Variants in ADGRF5 observed in about 807,000 individuals in gnomAD.
ADGRF5 encodes the protein G-protein coupled receptor 116.
In ADGRF5, 75 loss-of-function variants were observed where a neutral mutation model predicts 132.3. The ratio of observed to expected loss-of-function variants is 0.57; its 90% confidence interval spans 0.47 to 0.69. The LOEUF (loss-of-function observed/expected upper bound fraction) is 0.69, where lower values mean the gene tolerates loss of function less well. Ranked by LOEUF, ADGRF5 falls within the 30% of genes least tolerant of loss-of-function variation. ADGRF5 has a pLI of 0.00. For missense variants in ADGRF5, 1,516 were observed against 1,630.6 expected (o/e 0.93, Z 1.21); for synonymous variants, 629 against 597.6 (o/e 1.05, Z -0.77).
intron 4 of ADGRF5, 152 bp downstream of exon 4, chr6:46,888,183 G>C: frequency 1.7e-6 from 1 of 602,290 alleles, no homozygotes; most frequent in Non-Finnish European, 3.0e-6. Flanking sequence ...GCTTCATTCA[G>C]GAAGGCTGTG....
intron 3 of ADGRF5, among the ~76,000 whole-genome samples, chr6:46,891,750 G>A (rs1385823361): frequency 6.6e-6 from 1 of 152,120 alleles, no homozygotes; most frequent in African/African-American, 2.4e-5. Context: ...TGAAACCAAG[G>A]CAGTTCTGCT....
chr6:46,951,275 G>T (rs894556832), intron 1 of ADGRF5, among the ~76,000 whole-genome samples: 1 of 151,244 alleles, frequency 6.6e-6, no homozygotes, highest in Non-Finnish European at 1.5e-5. Context: ...TTCTAGAGGT[G>T]CAGGAGGCAT....
Position 46,856,089 on chromosome 6 carries a change from A to G in ADGRF5, c.3877-31T>C, listed in dbSNP as rs117761994. On this transcript the variant is annotated intron_variant, in intron 19 of 20. Coordinates refer to ENST00000283296, the MANE Select transcript of ADGRF5 (RefSeq NM_001098518.2). ...AGAGAGAAAAAAAGGGACAATCACA[A>G]AGCAAATTTGTGGGACCAAAGCTGT... is the stretch of plus-strand genomic sequence containing the variant. The G allele has an allele frequency of 9.6e-4, 1,253 of 1,310,008 alleles. 9 individuals are homozygous for G. In the East Asian group the frequency reaches 0.017, roughly 18 times the overall value. The allele number at this position is 1,310,008 out of a possible 1,614,324, so 81.1% of individuals were successfully genotyped here.
At chr6:46,943,544 C>T (rs115638989) in intron 1 of ADGRF5, among the ~76,000 whole-genome samples, 1,620 of 152,230 alleles carry the variant, frequency 0.011, 26 homozygotes, top group African/African-American at 0.036. Flanking sequence ...AGGACCACCT[C>T]CATCACAGGG....
upstream of ADGRF5, among the ~76,000 whole-genome samples, chr6:46,926,638 C>T (rs1203435377): frequency 6.6e-6 from 1 of 152,178 alleles, no homozygotes; most frequent in African/African-American, 2.4e-5. Context: ...TTAGAGATGA[C>T]ATGCTGTCTA....
intron 1 of ADGRF5, among the ~76,000 whole-genome samples, chr6:46,914,452 A>AT (rs112699043): frequency 6.6e-5 from 10 of 152,074 alleles, no homozygotes; most frequent in South Asian, 4.2e-4. Context: ...CCTTGAAGAC[A>AT]TTTTTTTTCC....
At position 46,873,339 on chromosome 6, in the gene ADGRF5, G is replaced by A. The variant is rs1228077862; in HGVS notation, c.1241-1326C>T. Among the ~76,000 whole-genome samples the A allele has an allele frequency of 3.3e-5, 5 of 151,980 alleles. No individual in the cohort carries two copies. In the East Asian group the frequency reaches 7.7e-4, roughly 23 times the overall value. ...CTCCCGTTTCTCATCAAGTCTTTGC[G>A]ATTGGCCTTCTTCACCCTCTCCTCT... On this transcript the variant is annotated intron_variant, in intron 10 of 20. Transcript: ENST00000283296.
At chr6:46,937,359 G>C (rs185480462) in intron 1 of ADGRF5, among the ~76,000 whole-genome samples, 1 of 152,072 alleles carries the variant, frequency 6.6e-6, no homozygotes, top group Admixed American at 6.6e-5. Flanking sequence ...CACTGCCTCA[G>C]ATTTCATGCC....
chr6:46,887,882 A>G (rs1450272318), intron 4 of ADGRF5: 2 of 154,786 alleles, frequency 1.3e-5, no homozygotes, highest in African/African-American at 4.8e-5. Context: ...TGATGCAGGC[A>G]TGTACCTGTT....
At chr6:46,860,364 C>T (rs1769599290) in intron 16 of ADGRF5, among the ~76,000 whole-genome samples, 1 of 152,180 alleles carries the variant, frequency 6.6e-6, no homozygotes, top group Admixed American at 6.5e-5. Context: ...CAGAACCTAT[C>T]CTCCCACGAT....
intron 1 of ADGRF5, among the ~76,000 whole-genome samples, chr6:46,950,045 T>C (rs1582091300): frequency 6.6e-6 from 1 of 152,208 alleles, no homozygotes; most frequent in Non-Finnish European, 1.5e-5. Context: ...GACCTTCATT[T>C]GGTGGCTTGG....
chr6:46,953,685 A>ATATATCTATATATCTATC (rs1554131448), intron 1 of ADGRF5, among the ~76,000 whole-genome samples: 5 of 126,956 alleles, frequency 3.9e-5, no homozygotes, highest in African/African-American at 1.4e-4. Context: ...ATATATATAT[A>ATATATCTATATATCTATC]TATATCTCAC....
Position 46,902,991 on chromosome 6 carries a change from A to G in ADGRF5, c.103-2908T>C, listed in dbSNP as rs188911058. Among the ~76,000 whole-genome samples, 62 of 152,290 alleles carry G rather than the reference A, an allele frequency of 4.1e-4. 1 individual carries two copies. The East Asian group carries it at 8.5e-3, about 21-fold the overall frequency. On this transcript the variant is annotated intron_variant, in intron 2 of 20. Transcript: ENST00000283296. The stretch of plus-strand genomic sequence containing the variant: ...TTAGGAGATGTCATTCACTCCCTCG[A>G]ATCCTCTGTTTCTTACATTATGAAA...
At position 46,859,308 on chromosome 6, in the gene ADGRF5, G is replaced by A; in HGVS notation, c.2595C>T (p.Thr865=). 3 of 1,613,918 alleles carry A rather than the reference G, an allele frequency of 1.9e-6. No homozygotes were observed. Among genetic ancestry groups the A allele is most frequent in the Non-Finnish European group, 2.5e-6 (3 of 1,179,820 alleles). ...SMVIKSSHPE[T]YQQRFVFPYF... ...ATGGGAAAACAAACCTCTGTTGATA[G>A]GTTTCTGGGTGGCTGGACTTGATTA... The change falls in exon 17 of 21, where the codon ACC becomes ACT. Residue 865 remains threonine (T), a synonymous_variant. Coordinates refer to ENST00000283296, the MANE Select transcript of ADGRF5 (RefSeq NM_001098518.2).
At chr6:46,903,419 G>A (rs1184588942) in intron 2 of ADGRF5, 3 of 152,272 alleles carry the variant, frequency 2.0e-5, no homozygotes, top group Non-Finnish European at 4.4e-5. Context: ...ACCAATTCCA[G>A]GAAGTGCCCC....
intron 1 of ADGRF5, among the ~76,000 whole-genome samples, chr6:46,953,351 A>G (rs892048655): frequency 6.6e-6 from 1 of 152,066 alleles, no homozygotes; most frequent in Non-Finnish European, 1.5e-5. Context: ...GTCGGGCACC[A>G]TGGCTCCCGC....
chr6:46,910,564 G>C (rs147843516), intron 1 of ADGRF5, among the ~76,000 whole-genome samples: 1 of 152,216 alleles, frequency 6.6e-6, no homozygotes, highest in African/African-American at 2.4e-5. Flanking sequence ...GGAAAAGGAA[G>C]CTTAGAAGGA....
intron 1 of ADGRF5, among the ~76,000 whole-genome samples, chr6:46,933,615 G>T (rs1019083530): frequency 3.9e-5 from 6 of 152,134 alleles, no homozygotes; most frequent in Admixed American, 2.6e-4. Flanking sequence ...GAATTTAAAG[G>T]GTAAGAGATT....
chr6:46,868,904 T>C lies in ADGRF5; in HGVS notation c.1600A>G (p.Thr534Ala), dbSNP rs767503270. Residue 534 changes from threonine (T) to alanine (A), a missense_variant, in exon 12 of 21, where the codon ACC (threonine) becomes GCC (alanine). Physicochemically the swap from Thr to Ala is moderately conservative, Grantham distance 58. Around this residue, in one of 2 missense-constraint regions of ADGRF5, gnomAD observed 945 missense variants for 929.4 expected, o/e 1.02. Transcript: ENST00000283296. The part of the protein sequence containing the change: ...DGAESVLTVK[T>A]STREWNGTYH... ...TCACCATTCCACTCCCTGGTCGAGG[T>C]CTTGACTGTCAGTACTGATTCTGCT... is the stretch of plus-strand genomic sequence containing the variant. 1.9e-6 allele frequency: 3 copies of C among 1,611,622 alleles called. No individual in the cohort carries two copies. In the South Asian group the frequency reaches 3.3e-5, roughly 18 times the overall value.
Sources: allele counts gnomAD v4.1 joint callset (sites outside exome capture counted in the v4.1 genomes callset), GRCh38; gene constraint gnomAD v4.1.1; regional missense constraint gnomAD v4.1.1; transcripts MANE v1.5; gene names NCBI Gene and HGNC (gene_info 2026-07-23, HGNC 2026-07-21).